The following ATP6V0E1 variants were observed in gnomAD, a reference collection of about 807,000 sequenced individuals.
ATP6V0E1 encodes the protein ATPase H+ transporting V0 subunit e1.
In ATP6V0E1, 4 loss-of-function variants were observed where a neutral mutation model predicts 11.6. That is an observed-to-expected ratio of 0.35 (90% CI 0.17 to 0.79). The LOEUF (loss-of-function observed/expected upper bound fraction) is 0.79, where lower values mean the gene tolerates loss of function less well. ATP6V0E1 is among the 30% of genes least tolerant of loss of function. ATP6V0E1 has a pLI of 0.54. For missense variants in ATP6V0E1, 105 were observed against 100.0 expected (o/e 1.05, Z -0.21); for synonymous variants, 36 against 34.8 (o/e 1.04, Z -0.13).
At chr5:172,994,677 G>A in intron 1 of ATP6V0E1, 98 bp from the exon 2 acceptor site, 9 of 976,700 alleles carry the variant, frequency 9.2e-6, no homozygotes, top group Non-Finnish European at 1.4e-5. Flanking sequence ...TGCAATCCAT[G>A]CCAGTTTGAT....
At chr5:173,023,826 C>T (rs1417511638) in intron 3 of ATP6V0E1, among the ~76,000 whole-genome samples, 1 of 152,024 alleles carries the variant, frequency 6.6e-6, no homozygotes, top group African/African-American at 2.4e-5. Context: ...GCCTGGGTGA[C>T]AAAGCAAGAC....
At chr5:173,019,607 T>C (rs962814930) in intron 2 of ATP6V0E1, among the ~76,000 whole-genome samples, 2 of 152,044 alleles carry the variant, frequency 1.3e-5, no homozygotes, top group African/African-American at 2.4e-5. Flanking sequence ...TCCTTTATAG[T>C]TTAGTCTGTA....
intron 2 of ATP6V0E1, among the ~76,000 whole-genome samples, chr5:173,009,456 C>CTTTTT (rs920585185): frequency 1.5e-4 from 16 of 105,208 alleles, no homozygotes; most frequent in East Asian, 2.7e-4. Flanking sequence ...AGCCACTTCC[C>CTTTTT]TTTTTTTTTT....
intron 3 of ATP6V0E1, chr5:173,020,843 C>A (rs1370847963): frequency 1.9e-6 from 1 of 519,978 alleles, no homozygotes; most frequent in Non-Finnish European, 3.8e-6. Context: ...TGGCGTCTGG[C>A]ACTGGTGCAA....
rs112284836 is a variant in ATP6V0E1, at chr5:173,034,147, T to C, written c.*37-252T>C. Among the ~76,000 whole-genome samples the C allele has an allele frequency of 3.4e-3, 511 of 152,360 alleles. 2 individuals carry two copies. Among genetic ancestry groups the C allele is most frequent in the African/African-American group, 0.012 (490 of 41,584 alleles). ...GCACAATCAATCTCAGTCAGCTTCA[T>C]TCTTCCTGCTTTCTGTAACATAGAG... On this transcript the variant is annotated intron_variant, in intron 3 of 3. Transcript: ENST00000519374.
chr5:172,999,552 C>T lies in ATP6V0E1; in HGVS notation c.152+4730C>T, dbSNP rs560388869. Among the ~76,000 whole-genome samples, 3 of 152,320 alleles carry T rather than the reference C, an allele frequency of 2.0e-5. No homozygotes were observed. In the South Asian group the frequency reaches 6.2e-4, roughly 32 times the overall value. On this transcript the variant is annotated intron_variant, in intron 2 of 3. Transcript: ENST00000519374. The stretch of plus-strand genomic sequence containing the variant: ...TTGTTGCCCAGGCTAGTCTTGAACT[C>T]CTGAGCTCAAGCAGTCTTCTCACCT...
rs755585998 is a variant in ATP6V0E1 at position 173,008,723 on chromosome 5, T to C, written c.153-11515T>C. Reference sequence around the variant, plus strand: ...AGGAGATCGAGACCATCCTGGCTAATGCGGTGAAACCCCATCTCTACTAAA... The same window carrying C: ...AGGAGATCGAGACCATCCTGGCTAACGCGGTGAAACCCCATCTCTACTAAA... On this transcript the variant is annotated intron_variant, in intron 2 of 3. Coordinates refer to ENST00000519374, the MANE Select transcript of ATP6V0E1 (RefSeq NM_003945.4). 3.1e-3 allele frequency among the ~76,000 whole-genome samples: 457 copies of C among 147,986 alleles called. 2 individuals are homozygous for C. Among genetic ancestry groups the C allele is most frequent in the Middle Eastern group, 0.01 (3 of 286 alleles).
In ATP6V0E1 at chr5:173,034,526, T is replaced by A. The variant is rs1314927875; in HGVS notation, c.*164T>A. ...CACATTTGAATGCCTTATTCTACAA[T>A]GCAGCGTGTTTTCCTTTGCCTTTTT... On this transcript the variant is annotated 3_prime_UTR_variant, in exon 4 of 4. Transcript: ENST00000519374. The A allele has an allele frequency of 4.4e-6, 3 of 688,732 alleles. No homozygotes were observed. In the African/African-American group the frequency reaches 5.3e-5, roughly 12 times the overall value. The allele number at this position is 688,732 out of a possible 1,614,324, so 42.7% of individuals were successfully genotyped here.
At chr5:172,996,813 C>A (rs1449599802) in intron 2 of ATP6V0E1, among the ~76,000 whole-genome samples, 2 of 152,176 alleles carry the variant, frequency 1.3e-5, no homozygotes, top group African/African-American at 4.8e-5. Context: ...CAATTCCCCA[C>A]ATACTCTGAA....
At chr5:172,988,838 G>A (rs556281009) in intron 1 of ATP6V0E1, among the ~76,000 whole-genome samples, 1 of 152,082 alleles carries the variant, frequency 6.6e-6, no homozygotes, top group Non-Finnish European at 1.5e-5. Flanking sequence ...ACAGGCGCAC[G>A]TCACCATGCT....
In ATP6V0E1 at chr5:172,997,966, G is replaced by A. The variant is rs540061284; in HGVS notation, c.152+3144G>A. On this transcript the variant is annotated intron_variant, in intron 2 of 3. Coordinates refer to ENST00000519374, the MANE Select transcript of ATP6V0E1 (RefSeq NM_003945.4). ...ACCCTTTCTCTACAAAAAATTATCCGATTGTGGTGGCACATGCCTGTCGTC... is the reference window on the plus strand; with the variant it reads ...ACCCTTTCTCTACAAAAAATTATCCAATTGTGGTGGCACATGCCTGTCGTC... 3.0e-4 allele frequency among the ~76,000 whole-genome samples: 46 copies of A among 152,114 alleles called. No individual in the cohort carries two copies. In the South Asian group the frequency reaches 8.9e-3, roughly 30 times the overall value.
At chr5:172,992,320 GGATT>G (rs1358536799) in intron 1 of ATP6V0E1, among the ~76,000 whole-genome samples, 1 of 152,188 alleles carries the variant, frequency 6.6e-6, no homozygotes, top group Non-Finnish European at 1.5e-5. Context: ...CAAAGTGCCG[GGATT>G]GCAGGCGTGA....
At chr5:173,001,354 A>C (rs1422999273) in intron 2 of ATP6V0E1, among the ~76,000 whole-genome samples, 1 of 152,094 alleles carries the variant, frequency 6.6e-6, no homozygotes, top group Non-Finnish European at 1.5e-5. Flanking sequence ...TCATTTCCAC[A>C]AATACCTACT....
chr5:172,992,353 A>G (rs942713737), intron 1 of ATP6V0E1, among the ~76,000 whole-genome samples: 4 of 152,048 alleles, frequency 2.6e-5, no homozygotes, highest in Non-Finnish European at 5.9e-5. Context: ...GCCCGGCCAT[A>G]ACTTCCCTTT....
At chr5:173,026,304 T>C (rs1345907361) in intron 3 of ATP6V0E1, among the ~76,000 whole-genome samples, 1 of 152,206 alleles carries the variant, frequency 6.6e-6, no homozygotes, top group East Asian at 1.9e-4. Flanking sequence ...CCTGTAATTA[T>C]TGTTATTATT....
At chr5:173,003,300 C>T (rs1481131405) in intron 2 of ATP6V0E1, among the ~76,000 whole-genome samples, 3 of 152,132 alleles carry the variant, frequency 2.0e-5, no homozygotes, top group African/African-American at 4.8e-5. Context: ...GATTGGGCCT[C>T]TCTGGCTCTT....
At chr5:173,026,689 G>A (rs139673447) in intron 3 of ATP6V0E1, among the ~76,000 whole-genome samples, 5 of 152,128 alleles carry the variant, frequency 3.3e-5, no homozygotes, top group Non-Finnish European at 7.4e-5. Context: ...ATCCTTTTGG[G>A]TTATTTCTAG....
At chr5:173,006,190 C>T (rs1756227320) in intron 2 of ATP6V0E1, among the ~76,000 whole-genome samples, 1 of 151,726 alleles carries the variant, frequency 6.6e-6, no homozygotes, top group Non-Finnish European at 1.5e-5. Context: ...TGCTAAAAAT[C>T]ACCAGCTATG....
rs866057398 is a variant in ATP6V0E1, at chr5:173,009,492, C to T, written c.153-10746C>T. Among the ~76,000 whole-genome samples the T allele has an allele frequency of 7.2e-4, 95 of 131,402 alleles. 2 individuals carry two copies. The highest frequency in any genetic ancestry group is 9.5e-3 in the Middle Eastern group (2 of 210). The allele number at this position is 131,402 out of a possible 152,430, so 86.2% of individuals were successfully genotyped here. A position where few individuals can be genotyped will look rare whatever the true frequency, so the allele number is the denominator to read the frequency against. The stretch of plus-strand genomic sequence containing the variant: ...TTTTTTTTTTTTTGAGACAGAGTCT[C>T]GTTCTATCATCCAGGTGGCTGGAGT... On this transcript the variant is annotated intron_variant, in intron 2 of 3. Coordinates refer to ENST00000519374, the MANE Select transcript of ATP6V0E1 (RefSeq NM_003945.4).
Sources: allele counts gnomAD v4.1 joint callset (sites outside exome capture counted in the v4.1 genomes callset), GRCh38; gene constraint gnomAD v4.1.1; transcripts MANE v1.5; gene names NCBI Gene and HGNC (gene_info 2026-07-23, HGNC 2026-07-21).